Variants in ATP13A4 observed in about 807,000 individuals in gnomAD.
ATP13A4 encodes the protein probable cation-transporting ATPase 13A4.
In ATP13A4, 114 loss-of-function variants were observed where a neutral mutation model predicts 142.5. That is an observed-to-expected ratio of 0.80 (90% CI 0.69 to 0.93). The LOEUF is 0.93. Ranked by LOEUF, ATP13A4 falls within the 40% of genes least tolerant of loss-of-function variation. ATP13A4 has a pLI of 0.00. For missense variants in ATP13A4, 1,392 were observed against 1,454.0 expected, an observed-to-expected ratio of 0.96 and a Z score of 0.69; for synonymous variants, 488 against 514.8, an observed-to-expected ratio of 0.95 and a Z score of 0.70.
In ATP13A4 at chr3:193,525,458, T is replaced by C. The variant is rs11718688; in HGVS notation, c.61-10587A>G. 1.8e-3 allele frequency among the ~76,000 whole-genome samples: 273 copies of C among 152,318 alleles called. 2 individuals are homozygous for C. Among genetic ancestry groups the C allele is most frequent in the Admixed American group, 5.7e-3 (87 of 15,300 alleles). On this transcript the variant is annotated intron_variant, in intron 1 of 29. Transcript: ENST00000342695. The stretch of plus-strand genomic sequence containing the variant: ...TTTCCCTTTATCCCTGGGTATCATT[T>C]GCCACTAACTACAGGATTTTAGAAA...
Position 193,400,997 on chromosome 3 carries a change from C to T in ATP13A4, c.*1655G>A, listed in dbSNP as rs1208790490. Reference sequence around the variant, plus strand: ...GTCTTGAAACACTAAAATATCTTCACGCCCTATTTTAAAACCAGAAGTAAC... The same window carrying T: ...GTCTTGAAACACTAAAATATCTTCATGCCCTATTTTAAAACCAGAAGTAAC... On this transcript the variant is annotated 3_prime_UTR_variant, in exon 30 of 30. Transcript: ENST00000342695. 1.3e-5 allele frequency among the ~76,000 whole-genome samples: 2 copies of T among 152,166 alleles called. No individual in the cohort carries two copies. Among genetic ancestry groups the T allele is most frequent in the Non-Finnish European group, 2.9e-5 (2 of 68,042 alleles).
intron 25 of ATP13A4, among the ~76,000 whole-genome samples, 155 bp from the exon 26 acceptor site, chr3:193,414,905 T>C (rs1030300310): frequency 6.6e-5 from 10 of 152,158 alleles, no homozygotes; most frequent in Admixed American, 5.9e-4. Context: ...TGGACTCAAA[T>C]TCAAGTCATG....
chr3:193,492,913 G>C lies in ATP13A4; in HGVS notation c.533+4C>G. On this transcript the variant is annotated splice_donor_region_variant and intron_variant, in intron 5 of 29. Transcript: ENST00000342695. ...GCTAGTATAGGCAATAATATGCATGGTACCTAATCTCCTGTTCTTCTCTTG... is the reference window on the plus strand; with the variant it reads ...GCTAGTATAGGCAATAATATGCATGCTACCTAATCTCCTGTTCTTCTCTTG... 1 of 1,596,236 alleles carries C rather than the reference G, an allele frequency of 6.3e-7. No individual in the cohort carries two copies. Among genetic ancestry groups the C allele is most frequent in the Non-Finnish European group, 8.6e-7 (1 of 1,165,060 alleles).
At chr3:193,417,323 A>G (rs1209971240) in intron 25 of ATP13A4, among the ~76,000 whole-genome samples, 1 of 152,234 alleles carries the variant, frequency 6.6e-6, no homozygotes, top group African/African-American at 2.4e-5. Context: ...CTATCAGCAA[A>G]TATAAATGCT....
intron 17 of ATP13A4, among the ~76,000 whole-genome samples, chr3:193,449,540 T>C (rs1196891676): frequency 2.0e-5 from 3 of 152,204 alleles, no homozygotes; most frequent in African/African-American, 7.2e-5. Flanking sequence ...CACTTCCCAT[T>C]TTCTGAATCT....
intron 8 of ATP13A4, among the ~76,000 whole-genome samples, chr3:193,482,220 T>C (rs1284137911): frequency 6.6e-6 from 1 of 152,058 alleles, no homozygotes; most frequent in Non-Finnish European, 1.5e-5. Context: ...ACAAACAGTA[T>C]TGGAACATTT....
intron 2 of ATP13A4, among the ~76,000 whole-genome samples, chr3:193,578,331 C>G (rs971961189): frequency 3.4e-5 from 5 of 146,850 alleles, no homozygotes; most frequent in African/African-American, 1.3e-4. Context: ...ATATCTATAT[C>G]TATATCTATA....
chr3:193,420,284 G>A (rs1697659529), intron 25 of ATP13A4, among the ~76,000 whole-genome samples: 1 of 149,454 alleles, frequency 6.7e-6, no homozygotes, highest in South Asian at 2.1e-4. Context: ...GATCTTAGCT[G>A]AAAAACTTGT....
chr3:193,526,063 G>C (rs1475201421), intron 1 of ATP13A4, among the ~76,000 whole-genome samples: 3 of 152,126 alleles, frequency 2.0e-5, no homozygotes, highest in Non-Finnish European at 4.4e-5. Context: ...TATGCATACT[G>C]CTTGCTAGGC....
At chr3:193,417,558 A>C (rs1715128951) in intron 25 of ATP13A4, among the ~76,000 whole-genome samples, 1 of 152,232 alleles carries the variant, frequency 6.6e-6, no homozygotes, top group South Asian at 2.1e-4. Flanking sequence ...TATGTAATTT[A>C]AAAACCCACA....
intron 7 of ATP13A4, among the ~76,000 whole-genome samples, chr3:193,487,464 G>A (rs186635408): frequency 1.3e-5 from 2 of 152,216 alleles, no homozygotes; most frequent in East Asian, 3.9e-4. Context: ...CTGTTGTAAG[G>A]AATGTAAACT....
chr3:193,421,646 G>A (rs756236266), intron 25 of ATP13A4, among the ~76,000 whole-genome samples: 3 of 149,654 alleles, frequency 2.0e-5, no homozygotes, highest in Non-Finnish European at 4.4e-5. Flanking sequence ...TGTAAATTGC[G>A]ACACTAAAAT....
At chr3:193,590,211 T>C (rs1403972173) in intron 1 of ATP13A4, among the ~76,000 whole-genome samples, 4 of 151,956 alleles carry the variant, frequency 2.6e-5, no homozygotes. Context: ...AGGTTAGAGG[T>C]TTTTATGGAC....
At chr3:193,431,319 A>AGTTC (rs201614734) in intron 25 of ATP13A4, among the ~76,000 whole-genome samples, 94,342 of 151,746 alleles carry the variant, frequency 0.62, 31,145 homozygotes, top group Non-Finnish European at 0.74. Flanking sequence ...TGAGAATGTG[A>AGTTC]AGTTTAATTC....
At chr3:193,531,447 G>A (rs1421364771) in intron 1 of ATP13A4, among the ~76,000 whole-genome samples, 2 of 151,654 alleles carry the variant, frequency 1.3e-5, no homozygotes, top group Non-Finnish European at 2.9e-5. Context: ...GGGAAGGGAA[G>A]GAAAATGTTG....
At chr3:193,418,046 C>CCGAG (rs1715180374) in intron 25 of ATP13A4, among the ~76,000 whole-genome samples, 1 of 127,152 alleles carries the variant, frequency 7.9e-6, no homozygotes, top group African/African-American at 3.0e-5. Flanking sequence ...GGCGTGAACC[C>CCGAG]GGGAGGCAGA....
rs1241049163 is a variant in ATP13A4, at chr3:193,457,042, C to A, written c.1873G>T (p.Gly625Cys). The change falls in exon 16 of 30, where the codon GGT becomes TGT. Residue 625 changes from glycine (G) to cysteine (C), a missense_variant. Coordinates refer to ENST00000342695, the MANE Select transcript of ATP13A4 (RefSeq NM_032279.4). ...AAGCTGGCCACCCTCTCTGGTGCAC[C>A]TTTCATGAATGCCAGTCGGTCACCT... ...MGGDRLAFMK[G>C]APERVASFCQ... is the part of the protein sequence containing the mutation. 6.2e-7 allele frequency: 1 copy of A among 1,614,168 alleles called. No individual in the cohort carries two copies. The highest frequency in any genetic ancestry group is 8.5e-7 in the Non-Finnish European group (1 of 1,180,016).
At chr3:193,591,439 A>G (rs1724774729) in intron 1 of ATP13A4, among the ~76,000 whole-genome samples, 1 of 152,210 alleles carries the variant, frequency 6.6e-6, no homozygotes, top group African/African-American at 2.4e-5. Context: ...TTATTATACA[A>G]CAGTTTGCCC....
At chr3:193,501,560 C>T (rs1577027792) in intron 3 of ATP13A4, among the ~76,000 whole-genome samples, 1 of 150,096 alleles carries the variant, frequency 6.7e-6, no homozygotes, top group Admixed American at 6.6e-5. Flanking sequence ...TGCACTCCAC[C>T]CTGGGCAACA....
Sources: gnomAD v4.1 joint callset for allele counts (sites outside exome capture counted in the v4.1 genomes callset) on GRCh38, gnomAD v4.1.1 for gene constraint, MANE v1.5 for transcripts, NCBI Gene and HGNC (gene_info 2026-07-23, HGNC 2026-07-21) for gene names.